Variants in PDE12 observed in about 807,000 individuals in gnomAD.
The protein encoded by PDE12 is 2',5'-phosphodiesterase 12.
A neutral mutation model predicts 45.4 loss-of-function variants in PDE12; 26 were observed. The ratio of observed to expected loss-of-function variants is 0.57; its 90% CI spans 0.42 to 0.79. PDE12 has a LOEUF of 0.79. Ranked by LOEUF, PDE12 falls within the 30% of genes least tolerant of loss-of-function variation. PDE12 has a pLI of 0.00. For missense variants in PDE12, 668 were observed against 790.0 expected (o/e 0.85, Z 1.85); for synonymous variants, 283 against 323.9 (o/e 0.87, Z 1.36).
the PDE12 span, among the ~76,000 whole-genome samples, chr3:57,574,407 A>ATT: frequency 2.5e-5 from 2 of 81,164 alleles, no homozygotes; most frequent in Non-Finnish European, 5.9e-5. Flanking sequence ...GAGAAGTACA[A>ATT]ATTTTTTTTT....
In PDE12 at chr3:57,556,723, CGGCT is replaced by C; in HGVS notation, c.346_349del (p.Ala116CysfsTer7). ...GCCTGTTCAGGGCCGGGGCCTGAGC[CGGCT>C]GTGTTCTGCGAGCCCGTGGTGAAGC... On this transcript the variant is annotated frameshift_variant, in exon 1 of 3. Transcript: ENST00000311180. LOFTEE classifies it high-confidence loss of function. The surrounding 1 kb of genome is among the most constrained non-coding windows in gnomAD (Gnocchi z 5.0). 6.3e-7 allele frequency: 1 copy of C among 1,595,186 alleles called. No individual in the cohort carries two copies.
chr3:57,603,275 T>C, the PDE12 span, among the ~76,000 whole-genome samples: 1 of 152,140 alleles, frequency 6.6e-6, no homozygotes, highest in Admixed American at 6.5e-5. Flanking sequence ...TTTCACAAAA[T>C]CTCCCTCCCC....
At chr3:57,582,755 A>AAAC in the PDE12 span, among the ~76,000 whole-genome samples, 2 of 151,470 alleles carry the variant, frequency 1.3e-5, no homozygotes, top group African/African-American at 4.9e-5. Context: ...AAAAAAAATT[A>AAAC]TTAAGTAATA....
At chr3:57,595,952 CAAA>C in the PDE12 span, among the ~76,000 whole-genome samples, 3 of 129,652 alleles carry the variant, frequency 2.3e-5, no homozygotes, top group Admixed American at 7.9e-5. Context: ...ACTCCGTCTG[CAAA>C]AAAAAAAAAG....
At chr3:57,575,471 A>T in the PDE12 span, 3 of 1,405,662 alleles carry the variant, frequency 2.1e-6, no homozygotes, top group South Asian at 4.6e-5. Flanking sequence ...TAAATGTTTA[A>T]ACTGAATATT....
At chr3:57,598,829 A>T in the PDE12 span, among the ~76,000 whole-genome samples, 1 of 152,100 alleles carries the variant, frequency 6.6e-6, no homozygotes, top group East Asian at 1.9e-4. Flanking sequence ...CTTTACTCAG[A>T]AGTACCCTCC....
the PDE12 span, among the ~76,000 whole-genome samples, chr3:57,608,862 T>A: frequency 6.6e-6 from 1 of 152,158 alleles, no homozygotes; most frequent in Non-Finnish European, 1.5e-5. Flanking sequence ...ATCCAGGAAT[T>A]GAACTCAGCT....
the PDE12 span, among the ~76,000 whole-genome samples, chr3:57,576,478 A>G: frequency 7.0e-6 from 1 of 143,390 alleles, no homozygotes; most frequent in Non-Finnish European, 1.5e-5. Flanking sequence ...TGACATTTAT[A>G]GTGTGTGAAG....
chr3:57,617,606 T>C, the PDE12 span, among the ~76,000 whole-genome samples: 1 of 151,830 alleles, frequency 6.6e-6, no homozygotes, highest in South Asian at 2.1e-4. Flanking sequence ...CTCACACCTG[T>C]AATTCCAGCA....
chr3:57,609,905 A>G, the PDE12 span, among the ~76,000 whole-genome samples: 1 of 152,186 alleles, frequency 6.6e-6, no homozygotes, highest in Non-Finnish European at 1.5e-5. Context: ...TCATCCTGAT[A>G]CCAAAGGCTG....
At chr3:57,655,070 G>A in the PDE12 span, among the ~76,000 whole-genome samples, 2 of 147,834 alleles carry the variant, frequency 1.4e-5, no homozygotes, top group African/African-American at 5.0e-5. Flanking sequence ...GTCTCATTCT[G>A]TTGCCCAGGC....
chr3:57,628,996 A>G, the PDE12 span: 1 of 889,100 alleles, frequency 1.1e-6, no homozygotes, highest in Non-Finnish European at 1.7e-6. Flanking sequence ...AAGGAGAACA[A>G]AGTATTTAAC....
At chr3:57,570,931 TCTCCCTACCCCACTCCACATGCCGCCC>T (rs2069835278), downstream of PDE12, among the ~76,000 whole-genome samples, 3 of 152,208 alleles carry the variant, frequency 2.0e-5, no homozygotes, top group Middle Eastern at 3.4e-3. Context: ...AGCCTTTTAC[TCTCCCTACCCCACTCCACATGCCGCCC>T]CTCCCCACCC....
chr3:57,652,848 T>C, the PDE12 span, among the ~76,000 whole-genome samples: 1 of 152,078 alleles, frequency 6.6e-6, no homozygotes, highest in African/African-American at 2.4e-5. Flanking sequence ...CTGCAAAATA[T>C]CAGGATCATG....
chr3:57,646,309 G>T, the PDE12 span: 1 of 1,599,460 alleles, frequency 6.3e-7, no homozygotes, highest in South Asian at 1.1e-5. Context: ...TAACCAAATA[G>T]ACTCACTTAA....
the PDE12 span, among the ~76,000 whole-genome samples, chr3:57,582,054 G>GGT: frequency 6.6e-6 from 1 of 152,062 alleles, no homozygotes; most frequent in Non-Finnish European, 1.5e-5. Context: ...TGCTCAACTG[G>GGT]GTACAATGCA....
chr3:57,626,988 A>T, the PDE12 span: 1 of 152,304 alleles, frequency 6.6e-6, no homozygotes, highest in East Asian at 1.9e-4. Context: ...TCATCACTCA[A>T]ATAAGTATCA....
chr3:57,589,824 G>A, the PDE12 span, among the ~76,000 whole-genome samples: 3 of 152,006 alleles, frequency 2.0e-5, no homozygotes, highest in Non-Finnish European at 4.4e-5. Context: ...CGGGCACGGT[G>A]GCTCACACCT....
chr3:57,598,057 G>A, the PDE12 span: 1 of 152,184 alleles, frequency 6.6e-6, no homozygotes, highest in Admixed American at 6.5e-5. Flanking sequence ...AGAAGGCAAG[G>A]AGGAAGTCTT....
Sources: allele counts gnomAD v4.1 joint callset (sites outside exome capture counted in the v4.1 genomes callset), GRCh38; gene constraint gnomAD v4.1.1; non-coding constraint Gnocchi (gnomAD v3.1); transcripts MANE v1.5; gene names NCBI Gene and HGNC (gene_info 2026-07-23, HGNC 2026-07-21).